ABCA13: variants seen among roughly 807,000 people sequenced by gnomAD.
The protein encoded by ABCA13 is ATP-binding cassette sub-family A member 13.
In ABCA13, 476 loss-of-function variants were observed where a neutral mutation model predicts 478.7. The ratio of observed to expected loss-of-function variants is 0.99; its 90% CI spans 0.92 to 1.07. The LOEUF is 1.07. ABCA13 is among the 50% of genes least tolerant of loss of function. ABCA13 has a pLI of 0.00. For missense variants in ABCA13, 6,060 were observed against 5,910.6 expected (o/e 1.03, Z -0.83); for synonymous variants, 2,252 against 2,158.9 (o/e 1.04, Z -1.20).
At position 48,346,747 on chromosome 7, in the gene ABCA13, T is replaced by C. The variant is rs564210934; in HGVS notation, c.10205-3896T>C. Among the ~76,000 whole-genome samples the C allele has an allele frequency of 9.8e-5, 15 of 152,326 alleles. No homozygotes were observed. The South Asian group carries it at 2.9e-3, about 29-fold the overall frequency. On this transcript the variant is annotated intron_variant, in intron 29 of 61. Coordinates refer to ENST00000435803, the MANE Select transcript of ABCA13 (RefSeq NM_152701.5). ...TTCATGGGTAATTTTGCTTTTCTTATGCTACAGATGAAGAAAGTGAAACTT... is the reference window on the plus strand; with the variant it reads ...TTCATGGGTAATTTTGCTTTTCTTACGCTACAGATGAAGAAAGTGAAACTT...
intron 58 of ABCA13, among the ~76,000 whole-genome samples, chr7:48,599,684 A>G (rs1335981389): frequency 3.3e-5 from 5 of 152,128 alleles, no homozygotes; most frequent in Non-Finnish European, 7.4e-5. Flanking sequence ...GCAGTATCCA[A>G]CTCCACTGTG....
chr7:48,519,228 C>T (rs549037176), intron 52 of ABCA13, among the ~76,000 whole-genome samples: 2 of 152,102 alleles, frequency 1.3e-5, no homozygotes, highest in Non-Finnish European at 2.9e-5. Flanking sequence ...GTTGATTCCA[C>T]GTCTTTGCTA....
chr7:48,239,198 G>T (rs774921371), intron 8 of ABCA13, 43 bp from the exon 9 acceptor site: 1 of 1,603,776 alleles, frequency 6.2e-7, no homozygotes, highest in Admixed American at 1.7e-5. Context: ...AAGGTTCTAG[G>T]AAAGGAGCTT....
intron 42 of ABCA13, among the ~76,000 whole-genome samples, chr7:48,449,368 G>A (rs1003745436): frequency 1.3e-5 from 2 of 149,944 alleles, no homozygotes; most frequent in Non-Finnish European, 3.0e-5. Context: ...GATTTTATTG[G>A]CTCTCTACTT....
chr7:48,442,320 A>G (rs1054856325), intron 42 of ABCA13, among the ~76,000 whole-genome samples: 1 of 152,130 alleles, frequency 6.6e-6, no homozygotes, highest in Non-Finnish European at 1.5e-5. Flanking sequence ...CATTTCTCAC[A>G]GTTATTTTCT....
intron 58 of ABCA13, among the ~76,000 whole-genome samples, chr7:48,600,469 T>TAATG (rs899360062): frequency 1.3e-5 from 2 of 152,160 alleles, no homozygotes; most frequent in Admixed American, 1.3e-4. Context: ...ATTTTTTACA[T>TAATG]AATGTCTCCT....
At chr7:48,380,658 C>T (rs931423753) in intron 35 of ABCA13, among the ~76,000 whole-genome samples, 2 of 152,188 alleles carry the variant, frequency 1.3e-5, no homozygotes, top group Non-Finnish European at 2.9e-5. Context: ...CAGGCATCTG[C>T]ACACTAAAGG....
chr7:48,507,877 AG>A lies in ABCA13; in HGVS notation c.13353del (p.Ser4452AlafsTer27), dbSNP rs752721637. 1.9e-6 allele frequency: 3 copies of A among 1,606,550 alleles called. No homozygotes were observed. In the African/African-American group the frequency reaches 4.0e-5, roughly 21 times the overall value. ...CTGCTCTGTTCCACCCGCAGCCTGGAGAGCATCCGTCAGTGTGGAGTGGCCC... is the reference window on the plus strand; with the variant it reads ...CTGCTCTGTTCCACCCGCAGCCTGGAAGCATCCGTCAGTGTGGAGTGGCCC... ...GALLNEDKIL[E>X]SIRQCGVALC... On this transcript the variant is annotated frameshift_variant, in exon 50 of 62. Transcript: ENST00000435803. LOFTEE classifies it high-confidence loss of function.
chr7:48,173,475 T>C (rs981066664), intron 1 of ABCA13, among the ~76,000 whole-genome samples: 71 of 152,200 alleles, frequency 4.7e-4, no homozygotes, highest in African/African-American at 1.6e-3. Flanking sequence ...AGATAGTGGG[T>C]GAACAAGAAA....
At chr7:48,277,545 A>G (rs1460284004) in intron 17 of ABCA13, among the ~76,000 whole-genome samples, 2 of 152,218 alleles carry the variant, frequency 1.3e-5, no homozygotes, top group Non-Finnish European at 2.9e-5. Flanking sequence ...ATGTACTTAT[A>G]TTACAAAATG....
intron 27 of ABCA13, among the ~76,000 whole-genome samples, chr7:48,331,209 A>G (rs898091528): frequency 5.3e-5 from 8 of 152,240 alleles, no homozygotes; most frequent in Non-Finnish European, 1.2e-4. Context: ...AATAGCTGCA[A>G]GTAAGAGAGG....
chr7:48,294,425 G>GTT (rs370890353), intron 20 of ABCA13, among the ~76,000 whole-genome samples: 20 of 80,368 alleles, frequency 2.5e-4, no homozygotes, highest in African/African-American at 4.6e-4. Flanking sequence ...GTTTCTATGG[G>GTT]TTTTTTTTTT....
chr7:48,193,767 C>G (rs149263730), intron 2 of ABCA13, among the ~76,000 whole-genome samples: 151,219 of 151,276 alleles, frequency 1, 75,581 homozygotes, highest in Middle Eastern at 1. Flanking sequence ...TGATGATCTT[C>G]ATGATAATAA....
intron 24 of ABCA13, among the ~76,000 whole-genome samples, chr7:48,312,089 T>G (rs1801865225): frequency 6.6e-6 from 1 of 152,190 alleles, no homozygotes; most frequent in South Asian, 2.1e-4. Context: ...TGGACAGAAT[T>G]CTGTCATTAT....
intron 56 of ABCA13, among the ~76,000 whole-genome samples, chr7:48,584,428 C>A (rs529327515): frequency 2.0e-5 from 3 of 152,256 alleles, no homozygotes; most frequent in African/African-American, 7.2e-5. Context: ...GGAGTTTGCA[C>A]GCTCTCTCCA....
intron 15 of ABCA13, among the ~76,000 whole-genome samples, chr7:48,258,528 G>A (rs1397532394): frequency 1.3e-5 from 2 of 151,748 alleles, no homozygotes; most frequent in African/African-American, 4.8e-5. Context: ...ATTCTTTCAA[G>A]AAACCAAGCT....
At chr7:48,534,343 C>T (rs1208452038) in intron 55 of ABCA13, among the ~76,000 whole-genome samples, 2 of 152,160 alleles carry the variant, frequency 1.3e-5, no homozygotes, top group Non-Finnish European at 2.9e-5. Flanking sequence ...GAGAAATCTG[C>T]TGTTATTCTG....
chr7:48,288,384 G>T (rs1224220906), intron 20 of ABCA13, among the ~76,000 whole-genome samples: 4 of 152,182 alleles, frequency 2.6e-5, no homozygotes, highest in Non-Finnish European at 5.9e-5. Flanking sequence ...AACTTATGAT[G>T]AAATAAATCA....
intron 59 of ABCA13, among the ~76,000 whole-genome samples, chr7:48,623,230 C>A (rs1487528747): frequency 3.3e-5 from 5 of 152,190 alleles, no homozygotes; most frequent in Non-Finnish European, 1.5e-5. Flanking sequence ...ACCTCATCAT[C>A]CTACTCATTT....
Sources: gnomAD v4.1 joint callset for allele counts (sites outside exome capture counted in the v4.1 genomes callset) on GRCh38, gnomAD v4.1.1 for gene constraint, MANE v1.5 for transcripts, NCBI Gene and HGNC (gene_info 2026-07-23, HGNC 2026-07-21) for gene names.